The following CUL5 variants were observed in gnomAD, a reference collection of about 807,000 sequenced individuals.
CUL5 encodes the protein cullin 5, also known as cullin-5.
CUL5 carries 26 observed loss-of-function variants against 108.8 expected under a neutral mutation model. The ratio of observed to expected loss-of-function variants is 0.24; its 90% CI spans 0.18 to 0.33. The LOEUF is 0.33. Ranked by LOEUF, CUL5 falls within the 10% of genes least tolerant of loss-of-function variation. The pLI is 1.00. For missense variants in CUL5, 524 were observed against 909.2 expected, an observed-to-expected ratio of 0.58 and a Z score of 5.45; for synonymous variants, 334 against 298.0, an observed-to-expected ratio of 1.12 and a Z score of -1.25.
intron 10 of CUL5, among the ~76,000 whole-genome samples, chr11:108,076,363 T>A (rs1863939793): frequency 6.6e-6 from 1 of 152,168 alleles, no homozygotes; most frequent in African/African-American, 2.4e-5. Flanking sequence ...ATAGTTCTCA[T>A]GCTGTACATT....
At chr11:108,051,164 C>T (rs1398973260) in intron 4 of CUL5, among the ~76,000 whole-genome samples, 1 of 151,976 alleles carries the variant, frequency 6.6e-6, no homozygotes, top group Non-Finnish European at 1.5e-5. Context: ...CCCAGTGGTT[C>T]TTCAGTGATA....
chr11:108,093,760 C>T (rs1016435037), intron 13 of CUL5, among the ~76,000 whole-genome samples: 4 of 152,006 alleles, frequency 2.6e-5, no homozygotes, highest in Admixed American at 1.3e-4. Flanking sequence ...CAGGCTGGAG[C>T]GCAGTGACAC....
chr11:108,030,183 C>T (rs1194699393), intron 1 of CUL5, among the ~76,000 whole-genome samples: 1 of 152,222 alleles, frequency 6.6e-6, no homozygotes, highest in Non-Finnish European at 1.5e-5. Flanking sequence ...CATCACAATT[C>T]TGACTCTGAA....
chr11:108,068,612 A>G (rs1863748632), intron 7 of CUL5, among the ~76,000 whole-genome samples: 1 of 152,188 alleles, frequency 6.6e-6, no homozygotes, highest in African/African-American at 2.4e-5. Context: ...GGGACACATA[A>G]TTGCCTCCCT....
chr11:108,037,271 C>G (rs530044016), intron 2 of CUL5, among the ~76,000 whole-genome samples: 1 of 152,162 alleles, frequency 6.6e-6, no homozygotes, highest in Non-Finnish European at 1.5e-5. Context: ...TTACCTGTCA[C>G]AACAGACAGA....
At position 108,088,543 on chromosome 11, in the gene CUL5, C is replaced by G. The variant is rs773488535; in HGVS notation, c.1195C>G (p.Gln399Glu). The change falls in exon 12 of 19, where the codon CAG becomes GAG. Residue 399 changes from glutamine to glutamate, a missense_variant. Around this residue, in one of 8 missense-constraint regions of CUL5, gnomAD observed 76 missense variants for 168.3 expected, o/e 0.45. Transcript: ENST00000393094. ...GTTTTTTAGGGTGGGATTAAAAACT[C>G]AGCCTGAATCAAAATGCCCTGAGCT... The part of the protein sequence containing the change: ...LKQKGVGLKT[Q>E]PESKCPELLA... 6.3e-7 allele frequency: 1 copy of G among 1,599,074 alleles called. No homozygotes were observed. The highest frequency in any genetic ancestry group is 8.5e-7 in the Non-Finnish European group (1 of 1,176,024).
At chr11:108,098,811 T>C (rs73557188) in intron 18 of CUL5, among the ~76,000 whole-genome samples, 20,501 of 151,896 alleles carry the variant, frequency 0.13, 1,491 homozygotes, top group African/African-American at 0.19. Context: ...AGGAAACTTA[T>C]TTAGAACCAA....
At chr11:108,072,297 T>A (rs1863845149) in intron 8 of CUL5, 35 bp from the exon 9 acceptor site, 1 of 1,522,594 alleles carries the variant, frequency 6.6e-7, no homozygotes, top group African/African-American at 1.4e-5. Context: ...CTCTAGTAAA[T>A]GAAATGATTA....
chr11:108,045,161 T>G (rs1359052770), intron 2 of CUL5, among the ~76,000 whole-genome samples: 1 of 152,256 alleles, frequency 6.6e-6, no homozygotes, highest in African/African-American at 2.4e-5. Context: ...ATGTCAGCTT[T>G]ATAAGTTCTG....
intron 2 of CUL5, among the ~76,000 whole-genome samples, chr11:108,045,437 TA>T (rs1239411902): frequency 6.6e-6 from 1 of 151,784 alleles, no homozygotes; most frequent in Non-Finnish European, 1.5e-5. Context: ...ACCAAAAATT[TA>T]AAAAACTAGA....
intron 1 of CUL5, among the ~76,000 whole-genome samples, chr11:108,012,020 A>G (rs1342925383): frequency 6.6e-6 from 1 of 152,236 alleles, no homozygotes; most frequent in African/African-American, 2.4e-5. Context: ...TCTTTCAGCT[A>G]TGTAAAGATT....
intron 1 of CUL5, among the ~76,000 whole-genome samples, chr11:108,032,168 A>G (rs1862603764): frequency 6.6e-6 from 1 of 152,190 alleles, no homozygotes; most frequent in Admixed American, 6.5e-5. Context: ...CCCAAACTTA[A>G]AAGTTAAAGA....
intron 7 of CUL5, among the ~76,000 whole-genome samples, chr11:108,061,388 T>G (rs549757922): frequency 6.6e-6 from 1 of 152,312 alleles, no homozygotes; most frequent in South Asian, 2.1e-4. Context: ...TCCCTACTTT[T>G]TGCCTAGGTA....
intron 15 of CUL5, 51 bp from the exon 16 acceptor site, chr11:108,095,477 AAG>A (rs879882585): frequency 6.5e-5 from 79 of 1,224,762 alleles, no homozygotes; most frequent in East Asian, 1.0e-4. Context: ...CATAGATATT[AAG>A]AGAGAATCAT....
intron 16 of CUL5, among the ~76,000 whole-genome samples, chr11:108,097,205 G>A (rs1169831392): frequency 6.6e-6 from 1 of 152,098 alleles, no homozygotes. Flanking sequence ...CAGTAGAGAC[G>A]GGGTTTTGCC....
rs1273618573 is a variant in CUL5 at position 108,104,516 on chromosome 11, C to G, written c.*132C>G. On this transcript the variant is annotated 3_prime_UTR_variant, in exon 19 of 19. Coordinates refer to ENST00000393094, the MANE Select transcript of CUL5 (RefSeq NM_003478.6). ...ATATTAAAATCTCTGCCTTACCTTA[C>G]AAAAACAACTATATTTTGCCAATCA... is the stretch of plus-strand genomic sequence containing the variant. The G allele has an allele frequency of 5.2e-6, 3 of 576,006 alleles. No homozygotes were observed. Among genetic ancestry groups the G allele is most frequent in the Non-Finnish European group, 8.9e-6 (3 of 337,056 alleles). 35.7% of individuals were successfully genotyped at this position (576,006 alleles called of 1,614,324 possible). A position where few individuals can be genotyped will look rare whatever the true frequency, so the allele number is the denominator to read the frequency against.
At chr11:108,017,647 C>T (rs1040282670) in intron 1 of CUL5, among the ~76,000 whole-genome samples, 4 of 152,146 alleles carry the variant, frequency 2.6e-5, no homozygotes, top group Non-Finnish European at 5.9e-5. Context: ...CCCAGGAGTT[C>T]AAGACCAGTC....
chr11:108,033,310 T>G (rs1264125685), intron 1 of CUL5, among the ~76,000 whole-genome samples: 2 of 152,216 alleles, frequency 1.3e-5, no homozygotes, highest in Admixed American at 6.5e-5. Flanking sequence ...TGTGATTGAT[T>G]ACTTGCTCAC....
chr11:108,039,258 G>A (rs1862826756), intron 2 of CUL5, among the ~76,000 whole-genome samples: 1 of 152,096 alleles, frequency 6.6e-6, no homozygotes, highest in Non-Finnish European at 1.5e-5. Context: ...GACCTCAGGT[G>A]ATCCACTCAC....
Sources: gnomAD v4.1 joint callset for allele counts (sites outside exome capture counted in the v4.1 genomes callset) on GRCh38, gnomAD v4.1.1 for gene constraint, gnomAD v4.1.1 regional missense constraint, MANE v1.5 for transcripts, NCBI Gene and HGNC (gene_info 2026-07-23, HGNC 2026-07-21) for gene names.